The following ASMT variants were observed in gnomAD, a reference collection of about 807,000 sequenced individuals.
ASMT encodes acetylserotonin N-methyltransferase.
A neutral mutation model predicts 41.3 loss-of-function variants in ASMT; 53 were observed. The ratio of observed to expected loss-of-function variants is 1.28; its 90% CI spans 1.03 to 1.61. The LOEUF is 1.61. Among genes scored for constraint, ASMT ranks in the 40% most tolerant of loss-of-function variants. The pLI is 0.00. For missense variants in ASMT, 531 were observed against 441.3 expected, an observed-to-expected ratio of 1.20 and a Z score of -1.82; for synonymous variants, 231 against 184.8, an observed-to-expected ratio of 1.25 and a Z score of -2.03.
chrX:1,616,829 C>T (rs1256656674), intron 1 of ASMT, among the ~76,000 whole-genome samples: 3 of 151,542 alleles, frequency 2.0e-5, no homozygotes, highest in Non-Finnish European at 3.0e-5. Flanking sequence ...CTGCCTCAGC[C>T]TCCCGAGTAG....
intron 5 of ASMT, 126 bp downstream of exon 5, chrX:1,630,065 G>A: frequency 1.1e-6 from 1 of 897,504 alleles, no homozygotes; most frequent in South Asian, 1.3e-5. Context: ...TGGTCTTAGA[G>A]GAATCATTCC....
intron 3 of ASMT, among the ~76,000 whole-genome samples, chrX:1,627,176 A>G (rs1198023176): frequency 3.4e-5 from 5 of 146,934 alleles, no homozygotes; most frequent in Admixed American, 2.1e-4. Context: ...AAGTACAAAA[A>G]TTAGCCAGGC....
At chrX:1,619,549 T>TATAATAATAATAATAATA (rs745727836) in intron 1 of ASMT, among the ~76,000 whole-genome samples, 1 of 129,842 alleles carries the variant, frequency 7.7e-6, no homozygotes, top group African/African-American at 3.0e-5. Flanking sequence ...GAACTTAAAG[T>TATAATAATAATAATAATA]ATAATAATAA....
At chrX:1,627,620 A>G in intron 3 of ASMT, 83 bp from the exon 4 acceptor site, 3 of 1,297,986 alleles carry the variant, frequency 2.3e-6, no homozygotes, top group South Asian at 2.4e-5. Context: ...AAATGAAATG[A>G]AACGAAATGA....
intron 1 of ASMT, among the ~76,000 whole-genome samples, chrX:1,615,683 T>C (rs1934062278): frequency 6.6e-6 from 1 of 151,812 alleles, no homozygotes. Context: ...ATGCCTATAA[T>C]CCCAGCTACT....
At chrX:1,633,096 G>C in intron 6 of ASMT, 54 bp from the exon 7 acceptor site, 1 of 1,611,282 alleles carries the variant, frequency 6.2e-7, no homozygotes, top group Non-Finnish European at 8.5e-7. Flanking sequence ...TGGAGGGTGA[G>C]CGATGTCTCT....
chrX:1,627,536 G>A, intron 3 of ASMT, 167 bp from the exon 4 acceptor site: 1 of 187,646 alleles, frequency 5.3e-6, no homozygotes, highest in East Asian at 1.9e-4. Context: ...CAGGAGAATG[G>A]CGTGAACCCA....
chrX:1,617,435 G>A (rs1238004653), intron 1 of ASMT, among the ~76,000 whole-genome samples: 3 of 151,670 alleles, frequency 2.0e-5, no homozygotes, highest in Non-Finnish European at 2.9e-5. Flanking sequence ...TTATGCCACT[G>A]CACTCCAGCC....
chrX:1,616,907 A>C (rs1569368731), intron 1 of ASMT, among the ~76,000 whole-genome samples: 2 of 151,586 alleles, frequency 1.3e-5, no homozygotes, highest in African/African-American at 2.4e-5. Flanking sequence ...ACGGGGTTTC[A>C]CCGTGTTAGC....
rs201255597 is a variant in ASMT at position 1,627,759 on chromosome X, C to T, written c.431C>T (p.Thr144Met). The stretch of plus-strand genomic sequence containing the variant: ...GGCGTTCCCGCTGAAGAGCTTTTTA[C>T]GGCCATCTACAGGTAACACCCATCA... ...TFGVPAEELF[T>M]AIYRSEGERL... The change falls in exon 4 of 9, where the codon ACG (threonine) becomes ATG (methionine). Residue 144 changes from threonine to methionine, a missense_variant. Physicochemically the swap from Thr to Met is moderately conservative, Grantham distance 81. Coordinates refer to ENST00000381241, the MANE Select transcript of ASMT (RefSeq NM_001171038.2). 2.4e-5 allele frequency: 39 copies of T among 1,613,786 alleles called. No individual in the cohort carries two copies. The highest frequency in any genetic ancestry group is 2.2e-4 in the East Asian group (10 of 44,888).
At chrX:1,631,877 G>A (rs773966571) in intron 5 of ASMT, among the ~76,000 whole-genome samples, 698 of 152,210 alleles carry the variant, frequency 4.6e-3, no homozygotes, top group Non-Finnish European at 7.4e-3. Context: ...GTGAAACCCG[G>A]TCTCTACTAA....
chrX:1,630,871 T>TTTTATTTA (rs112497831), intron 5 of ASMT, among the ~76,000 whole-genome samples: 1,787 of 139,834 alleles, frequency 0.013, 28 homozygotes, highest in South Asian at 0.067. Context: ...GCTGAGCTTG[T>TTTTATTTA]TTTATTTATT....
chrX:1,628,578 C>CTCTCCTCTCA, intron 4 of ASMT, among the ~76,000 whole-genome samples: 1 of 150,700 alleles, frequency 6.6e-6, no homozygotes, highest in African/African-American at 2.4e-5. Flanking sequence ...GCCCCCCAAC[C>CTCTCCTCTCA]TCTCCTCTCC....
At chrX:1,615,875 C>G (rs1469285303) in intron 1 of ASMT, among the ~76,000 whole-genome samples, 1 of 151,908 alleles carries the variant, frequency 6.6e-6, no homozygotes, top group Non-Finnish European at 1.5e-5. Flanking sequence ...AGAAACAAGA[C>G]AATGTTTATT....
chrX:1,624,225 C>T (rs778604647), intron 2 of ASMT, 44 bp from the exon 3 acceptor site: 23 of 1,613,248 alleles, frequency 1.4e-5, no homozygotes, highest in East Asian at 6.7e-5. Context: ...GGCAGGAACT[C>T]GGAATCTCAC....
chrX:1,631,476 G>C (rs1254849286), intron 5 of ASMT, among the ~76,000 whole-genome samples: 5 of 152,124 alleles, frequency 3.3e-5, no homozygotes, highest in African/African-American at 9.6e-5. Context: ...CTGTGACTCA[G>C]TGGATCACTC....
chrX:1,627,857 A>G, intron 4 of ASMT, 86 bp downstream of exon 4: 1 of 1,267,726 alleles, frequency 7.9e-7, no homozygotes, highest in Non-Finnish European at 1.2e-6. Flanking sequence ...CATTTACTCA[A>G]ATGGCACAAC....
At chrX:1,616,518 G>A (rs1478403538) in intron 1 of ASMT, among the ~76,000 whole-genome samples, 22 of 151,214 alleles carry the variant, frequency 1.5e-4, no homozygotes, top group Admixed American at 8.6e-4. Context: ...GGAACCCGGC[G>A]GAAGTGCTGG....
At chrX:1,633,580 A>G (rs1934854596) in intron 7 of ASMT, among the ~76,000 whole-genome samples, 1 of 151,604 alleles carries the variant, frequency 6.6e-6, no homozygotes, top group African/African-American at 2.4e-5. Flanking sequence ...GGTTCAAGCA[A>G]TTCTCCTGCC....
Sources: gnomAD v4.1 joint callset for allele counts (sites outside exome capture counted in the v4.1 genomes callset) on GRCh38, gnomAD v4.1.1 for gene constraint, MANE v1.5 for transcripts, NCBI Gene and HGNC (gene_info 2026-07-23, HGNC 2026-07-21) for gene names.